ADAM12: variants seen among roughly 807,000 people sequenced by gnomAD.
ADAM12 encodes the protein ADAM metallopeptidase domain 12, also known as disintegrin and metalloproteinase domain-containing protein 12.
In ADAM12, 70 loss-of-function variants were observed where a neutral mutation model predicts 106.4. The ratio of observed to expected loss-of-function variants is 0.66; its 90% confidence interval spans 0.54 to 0.80. The LOEUF is 0.80. Ranked by LOEUF, ADAM12 falls within the 30% of genes least tolerant of loss-of-function variation. The pLI is 0.00. For synonymous variants in ADAM12, 420 were observed against 433.5 expected, an observed-to-expected ratio of 0.97 and a Z score of 0.39; for missense variants, 1,010 against 1,171.9, an observed-to-expected ratio of 0.86 and a Z score of 2.02.
chr10:126,383,503 G>T (rs573841925), intron 1 of ADAM12, among the ~76,000 whole-genome samples: 2 of 152,108 alleles, frequency 1.3e-5, no homozygotes, highest in Admixed American at 6.5e-5. Flanking sequence ...CAAACTGAAG[G>T]GGCCCACTGA....
rs918802130 is a variant in ADAM12, at chr10:126,115,158, T to C, written c.603+2880A>G. On this transcript the variant is annotated intron_variant, in intron 6 of 22. Transcript: ENST00000448723. The stretch of plus-strand genomic sequence containing the variant: ...TTTCTTTTCAGAGAAGGCAGCAACT[T>C]TTCTATTTGACTCATAATTATCCAT... 3.9e-5 allele frequency among the ~76,000 whole-genome samples: 6 copies of C among 152,160 alleles called. No individual in the cohort carries two copies. The East Asian group carries it at 1.2e-3, about 29-fold the overall frequency.
At chr10:126,023,087 A>G (rs1953800273) in intron 21 of ADAM12, among the ~76,000 whole-genome samples, 1 of 152,234 alleles carries the variant, frequency 6.6e-6, no homozygotes, top group Non-Finnish European at 1.5e-5. Flanking sequence ...ACTGGAATTC[A>G]TCACAGGAAA....
chr10:126,349,597 A>G (rs910619058), intron 1 of ADAM12, among the ~76,000 whole-genome samples: 2 of 152,162 alleles, frequency 1.3e-5, no homozygotes, highest in African/African-American at 2.4e-5. Context: ...CAGGAATCCA[A>G]ATATATCCAC....
intron 2 of ADAM12, among the ~76,000 whole-genome samples, chr10:126,313,545 G>T (rs1350110494): frequency 6.6e-6 from 1 of 152,090 alleles, no homozygotes; most frequent in Non-Finnish European, 1.5e-5. Flanking sequence ...CATATAAAAG[G>T]GTGGAAGAGA....
chr10:126,322,274 T>C (rs1334083520), intron 2 of ADAM12, among the ~76,000 whole-genome samples: 1 of 152,174 alleles, frequency 6.6e-6, no homozygotes, highest in Admixed American at 6.5e-5. Flanking sequence ...CTGCTGAACA[T>C]ATTTACTGTT....
chr10:126,026,790 C>T (rs1452419589), intron 21 of ADAM12, among the ~76,000 whole-genome samples: 1 of 152,130 alleles, frequency 6.6e-6, no homozygotes, highest in Non-Finnish European at 1.5e-5. Context: ...AAAGGTATAA[C>T]ACTAAATGCC....
At chr10:126,088,726 A>G (rs1388599283) in intron 11 of ADAM12, among the ~76,000 whole-genome samples, 2 of 151,386 alleles carry the variant, frequency 1.3e-5, no homozygotes, top group Non-Finnish European at 2.9e-5. Flanking sequence ...AACAAAAACA[A>G]AAAGAGAGAG....
intron 21 of ADAM12, among the ~76,000 whole-genome samples, chr10:126,022,104 G>T (rs1953778404): frequency 6.6e-6 from 1 of 152,146 alleles, no homozygotes; most frequent in Non-Finnish European, 1.5e-5. Context: ...AAAAAGTGAG[G>T]TATGTATCAC....
At chr10:126,113,177 A>G (rs1414272419) in intron 6 of ADAM12, among the ~76,000 whole-genome samples, 2 of 152,186 alleles carry the variant, frequency 1.3e-5, no homozygotes, top group Admixed American at 6.5e-5. Flanking sequence ...GAATGGCAAC[A>G]GCAGATGTCC....
chr10:126,079,049 T>C (rs994096819), intron 11 of ADAM12, among the ~76,000 whole-genome samples: 2 of 152,128 alleles, frequency 1.3e-5, no homozygotes, highest in African/African-American at 4.8e-5. Context: ...CACCAGGAAC[T>C]TTCTAGAAAT....
At chr10:126,065,145 G>A (rs1438035458) in intron 13 of ADAM12, 144 bp from the exon 14 acceptor site, 1 of 831,480 alleles carries the variant, frequency 1.2e-6, no homozygotes, top group Non-Finnish European at 1.8e-6. Context: ...CTAATGTAGA[G>A]ATACCTCATT....
chr10:126,226,913 T>A (rs7082550), intron 3 of ADAM12, among the ~76,000 whole-genome samples: 7,105 of 152,282 alleles, frequency 0.047, 222 homozygotes, highest in African/African-American at 0.08. Flanking sequence ...ACATATATAC[T>A]GGCCAAGTGA....
chr10:126,135,538 C>A (rs1180146693), intron 5 of ADAM12, 46 bp downstream of exon 5: 24 of 1,566,250 alleles, frequency 1.5e-5, no homozygotes, highest in Non-Finnish European at 2.0e-5. Context: ...AGGTTGCCTG[C>A]AGTAGATGGC....
intron 9 of ADAM12, among the ~76,000 whole-genome samples, chr10:126,100,425 C>A (rs1308153511): frequency 6.6e-6 from 1 of 151,996 alleles, no homozygotes; most frequent in African/African-American, 2.4e-5. Flanking sequence ...GCTCCTCGGC[C>A]TGGCGCGGTG....
intron 3 of ADAM12, among the ~76,000 whole-genome samples, chr10:126,258,255 C>T (rs929428353): frequency 6.6e-6 from 1 of 152,176 alleles, no homozygotes; most frequent in Non-Finnish European, 1.5e-5. Flanking sequence ...CTGTCTTTGT[C>T]CTCATTAGAG....
intron 2 of ADAM12, among the ~76,000 whole-genome samples, chr10:126,297,082 A>C (rs1960414723): frequency 3.3e-5 from 5 of 152,178 alleles, no homozygotes; most frequent in African/African-American, 1.2e-4. Flanking sequence ...GGCAGTCTGG[A>C]AACAGTTTTC....
Position 126,388,341 on chromosome 10 carries a change from C to G in ADAM12, c.-196G>C, listed in dbSNP as rs948936509. On this transcript the variant is annotated 5_prime_UTR_variant, in exon 1 of 23. Coordinates refer to ENST00000448723, the MANE Select transcript of ADAM12 (RefSeq NM_001288973.2). This position sits in a 1 kb window ranked among gnomAD's most constrained non-coding sequence, Gnocchi z 4.4. ...TTTCATTTTTAAAAAAGTTTCCCCC[C>G]GTGTGTGTGCGTGCGTGCGCGCGCG... 3 of 811,892 alleles carry G rather than the reference C, an allele frequency of 3.7e-6. No homozygotes were observed. Among genetic ancestry groups the G allele is most frequent in the East Asian group, 4.2e-5 (1 of 23,918 alleles). 50.3% of individuals were successfully genotyped at this position (811,892 alleles called of 1,614,324 possible). A position where few individuals can be genotyped will look rare whatever the true frequency, so the allele number is the denominator to read the frequency against.
chr10:126,351,497 T>C (rs917788057), intron 1 of ADAM12, among the ~76,000 whole-genome samples: 1 of 152,170 alleles, frequency 6.6e-6, no homozygotes, highest in Admixed American at 6.5e-5. Context: ...AGCCCATGCA[T>C]GGCATGTGCT....
chr10:126,196,492 T>G (rs1957598931), intron 3 of ADAM12, among the ~76,000 whole-genome samples: 1 of 152,190 alleles, frequency 6.6e-6, no homozygotes, highest in Non-Finnish European at 1.5e-5. Flanking sequence ...CTGAAGTTTG[T>G]GCTTTGACAT....
Sources: gnomAD v4.1 joint callset for allele counts (sites outside exome capture counted in the v4.1 genomes callset) on GRCh38, gnomAD v4.1.1 for gene constraint, Gnocchi (gnomAD v3.1) non-coding constraint, MANE v1.5 for transcripts, NCBI Gene and HGNC (gene_info 2026-07-23, HGNC 2026-07-21) for gene names.